The following SMARCAD1 variants were observed in gnomAD, a reference collection of about 807,000 sequenced individuals.
SMARCAD1 encodes the protein SNF2 related chromatin remodeling ATPase with DExD box 1.
Under a neutral mutation model 127.1 loss-of-function variants are expected in SMARCAD1, and 25 were observed. The ratio of observed to expected loss-of-function variants is 0.20; its 90% CI spans 0.14 to 0.27. The LOEUF (loss-of-function observed/expected upper bound fraction) is 0.27, where lower values mean the gene tolerates loss of function less well. Among genes scored for constraint, SMARCAD1 ranks in the 10% least tolerant of loss-of-function variants. The pLI is 1.00. For synonymous variants in SMARCAD1, 400 were observed against 396.9 expected (o/e 1.01, Z -0.09); for missense variants, 807 against 1,206.0 (o/e 0.67, Z 4.90).
intron 10 of SMARCAD1, among the ~76,000 whole-genome samples, chr4:94,270,347 A>AAG (rs1752378046): frequency 6.6e-6 from 1 of 152,046 alleles, no homozygotes; most frequent in African/African-American, 2.4e-5. Flanking sequence ...TTTTGTCCTA[A>AAG]TACTTTTAAG....
intron 2 of SMARCAD1, among the ~76,000 whole-genome samples, chr4:94,212,811 C>T (rs1294867874): frequency 6.6e-6 from 1 of 152,058 alleles, no homozygotes; most frequent in East Asian, 1.9e-4. Flanking sequence ...TTAAAATAGT[C>T]CCTTTAGCCA....
intron 9 of SMARCAD1, among the ~76,000 whole-genome samples, chr4:94,260,852 C>G (rs566700606): frequency 4.6e-5 from 7 of 151,996 alleles, no homozygotes; most frequent in African/African-American, 1.7e-4. Flanking sequence ...AATTTATGCT[C>G]TCAAAAAATA....
At chr4:94,239,883 C>T (rs1747316737) in intron 5 of SMARCAD1, among the ~76,000 whole-genome samples, 1 of 152,038 alleles carries the variant, frequency 6.6e-6, no homozygotes, top group African/African-American at 2.4e-5. Flanking sequence ...CTGTTCTGTT[C>T]TTTTTAGGAA....
At chr4:94,277,396 G>T (rs1753456502) in intron 16 of SMARCAD1, among the ~76,000 whole-genome samples, 2 of 152,114 alleles carry the variant, frequency 1.3e-5, no homozygotes, top group Admixed American at 1.3e-4. Context: ...ATTTTCTGAA[G>T]GATGACGATT....
chr4:94,266,593 A>G (rs896444498), intron 10 of SMARCAD1, among the ~76,000 whole-genome samples: 5 of 152,010 alleles, frequency 3.3e-5, no homozygotes, highest in Admixed American at 6.6e-5. Flanking sequence ...TGCATAAGCA[A>G]TTTTTACTTG....
intron 23 of SMARCAD1, among the ~76,000 whole-genome samples, chr4:94,287,270 T>C (rs138229956): frequency 8.5e-5 from 13 of 152,340 alleles, no homozygotes; most frequent in African/African-American, 2.9e-4. Context: ...TTCAGCTGTG[T>C]CCCGGGTTTC....
Position 94,253,001 on chromosome 4 carries a change from G to C in SMARCAD1, c.1275G>C (p.Glu425Asp). The change falls in exon 9 of 24, where the codon GAG (glutamate) becomes GAC (aspartate). Residue 425 changes from glutamate (E) to aspartate (D), a missense_variant. Transcript: ENST00000354268. ...AACTCCGGCCCTTTAATAGTTGGGA[G>C]GCTCTGGTAAGGCTTTATTCTTTTT... is the stretch of plus-strand genomic sequence containing the variant. Reference protein sequence around the residue: ...ITELRPFNSWEALFTKMSKTN... With the variant: ...ITELRPFNSWDALFTKMSKTN... 6.2e-7 allele frequency: 1 copy of C among 1,612,306 alleles called. No individual in the cohort carries two copies. The highest frequency in any genetic ancestry group is 8.5e-7 in the Non-Finnish European group (1 of 1,179,990).
chr4:94,212,815 T>G (rs912844824), intron 2 of SMARCAD1, among the ~76,000 whole-genome samples: 10 of 152,106 alleles, frequency 6.6e-5, no homozygotes, highest in Admixed American at 4.6e-4. Context: ...AATAGTCCCT[T>G]TAGCCATCAG....
intron 11 of SMARCAD1, among the ~76,000 whole-genome samples, chr4:94,272,661 A>G (rs1460524659): frequency 6.6e-6 from 1 of 152,010 alleles, no homozygotes; most frequent in Non-Finnish European, 1.5e-5. Flanking sequence ...GTGTTCTTAT[A>G]TGTATCAGTA....
intron 6 of SMARCAD1, among the ~76,000 whole-genome samples, chr4:94,246,465 A>T (rs1748437612): frequency 6.6e-6 from 1 of 152,154 alleles, no homozygotes; most frequent in Non-Finnish European, 1.5e-5. Context: ...ATCAAGCAGT[A>T]CACACCCTAA....
chr4:94,285,124 A>G (rs1754746940), intron 23 of SMARCAD1, 55 bp downstream of exon 23: 3 of 1,160,834 alleles, frequency 2.6e-6, no homozygotes, highest in African/African-American at 1.5e-5. Flanking sequence ...CATGCATCTA[A>G]TTAGTCAGTG....
At position 94,281,467 on chromosome 4, in the gene SMARCAD1, C is replaced by T; in HGVS notation, c.2608-5C>T. ...TATTTCTAATTCATGTATGTATTTT[C>T]ACAGGGTGATAGAGTTGTGTTATTT... is the stretch of plus-strand genomic sequence containing the variant. On this transcript the variant is annotated splice_polypyrimidine_tract_variant and splice_region_variant and intron_variant, in intron 20 of 23. Transcript: ENST00000354268. 1.9e-6 allele frequency: 3 copies of T among 1,579,718 alleles called. No homozygotes were observed. Among genetic ancestry groups the T allele is most frequent in the Non-Finnish European group, 1.7e-6 (2 of 1,149,078 alleles).
At chr4:94,280,900 T>G in intron 20 of SMARCAD1, 120 bp downstream of exon 20, 1 of 955,774 alleles carries the variant, frequency 1.0e-6, no homozygotes, top group Non-Finnish European at 1.6e-6. Flanking sequence ...TTCCAGAACT[T>G]AGTGTTTTGA....
intron 14 of SMARCAD1, 72 bp downstream of exon 14, chr4:94,275,037 T>A: frequency 5.8e-6 from 6 of 1,041,512 alleles, no homozygotes; most frequent in Non-Finnish European, 9.1e-6. Context: ...ATTGTAGTAG[T>A]ACTATGTAGG....
intron 10 of SMARCAD1, among the ~76,000 whole-genome samples, chr4:94,269,185 A>T (rs780609885): frequency 1.3e-5 from 2 of 152,194 alleles, no homozygotes; most frequent in Non-Finnish European, 2.9e-5. Context: ...TTTAAGATGG[A>T]CATCATTCAA....
At chr4:94,278,866 TTGATA>T in intron 18 of SMARCAD1, 58 bp from the exon 19 acceptor site, 2 of 1,606,956 alleles carry the variant, frequency 1.2e-6, no homozygotes, top group Non-Finnish European at 1.7e-6. Flanking sequence ...TAAAACTTAG[TTGATA>T]TATTTCAACA....
chr4:94,287,634 A>G (rs1755131167), intron 23 of SMARCAD1, among the ~76,000 whole-genome samples: 1 of 152,206 alleles, frequency 6.6e-6, no homozygotes, highest in African/African-American at 2.4e-5. Flanking sequence ...GCACCTAATA[A>G]TACTTGGTTT....
rs761820406 is a variant in SMARCAD1 at position 94,290,711 on chromosome 4, CTA to C, written c.*1181_*1182del. 2.3e-6 allele frequency: 1 copy of C among 441,398 alleles called. No homozygotes were observed. Among genetic ancestry groups the C allele is most frequent in the South Asian group, 1.6e-5 (1 of 60,884 alleles). 27.3% of individuals were successfully genotyped at this position (441,398 alleles called of 1,614,324 possible). ...TTTCTTTAAATTTCTGCCTGTCAGT[CTA>C]TATTGCTGTTTTTATTATACATCAG... On this transcript the variant is annotated 3_prime_UTR_variant, in exon 24 of 24. Transcript: ENST00000354268.
chr4:94,241,646 C>A (rs1349216780), intron 6 of SMARCAD1, among the ~76,000 whole-genome samples: 1 of 152,196 alleles, frequency 6.6e-6, no homozygotes, highest in Admixed American at 6.5e-5. Context: ...GTTACTATAT[C>A]TTTCATGATG....
Sources: gnomAD v4.1 joint callset for allele counts (sites outside exome capture counted in the v4.1 genomes callset) on GRCh38, gnomAD v4.1.1 for gene constraint, MANE v1.5 for transcripts, NCBI Gene and HGNC (gene_info 2026-07-23, HGNC 2026-07-21) for gene names.